ABCC8: variants seen among roughly 807,000 people sequenced by gnomAD.
The protein encoded by ABCC8 is ATP-binding cassette sub-family C member 8.
A neutral mutation model predicts 188.0 loss-of-function variants in ABCC8; 137 were observed. The observed-to-expected ratio is 0.73, with a 90% CI of 0.63 to 0.84. ABCC8 has a LOEUF of 0.84. Among genes scored for constraint, ABCC8 ranks in the 40% least tolerant of loss-of-function variants. The probability of loss-of-function intolerance (pLI) is 0.00; values close to 1 mark genes in which losing one functional copy is unlikely to be tolerated. For synonymous variants in ABCC8, 797 were observed against 846.5 expected, an observed-to-expected ratio of 0.94 and a Z score of 1.01; for missense variants, 1,750 against 2,072.7, an observed-to-expected ratio of 0.84 and a Z score of 3.02.
chr11:17,476,789 G>T lies in ABCC8; in HGVS notation c.-13C>A. On this transcript the variant is annotated 5_prime_UTR_variant, in exon 1 of 39. Coordinates refer to ENST00000389817, the MANE Select transcript of ABCC8 (RefSeq NM_000352.6). ...AGGCCAGGGGCATGGCGGCGCGGGC[G>T]CGGGCTGGGCTCGGGCTCAGCTGGC... The T allele has an allele frequency of 6.5e-7, 1 of 1,541,254 alleles. No individual in the cohort carries two copies. The highest frequency in any genetic ancestry group is 1.2e-5 in the South Asian group (1 of 83,148).
downstream of ABCC8, chr11:17,392,574 A>G (rs1591700854): frequency 2.9e-6 from 1 of 342,520 alleles, no homozygotes; most frequent in East Asian, 7.6e-5. Context: ...CACAGAGTAA[A>G]GGTCATGTGA....
chr11:17,452,580 A>C (rs1956854497), intron 7 of ABCC8, among the ~76,000 whole-genome samples: 1 of 152,324 alleles, frequency 6.6e-6, no homozygotes, highest in African/African-American at 2.4e-5. Flanking sequence ...CAGGAGGCAG[A>C]GCTCAGGTAG....
At chr11:17,395,318 C>T (rs986564120) in intron 35 of ABCC8, 43 bp from the exon 36 acceptor site, 1 of 1,553,638 alleles carries the variant, frequency 6.4e-7, no homozygotes, top group Non-Finnish European at 8.7e-7. Flanking sequence ...GGAGCAGGGT[C>T]CTGCCTGCAT....
rs538604629 is a variant in ABCC8 at position 17,400,224 on chromosome 11, AC to A, written c.3651-1784del. 2.4e-3 allele frequency among the ~76,000 whole-genome samples: 366 copies of A among 152,284 alleles called. 1 individual carries two copies. The highest frequency in any genetic ancestry group is 8.3e-3 in the African/African-American group (347 of 41,558). On this transcript the variant is annotated intron_variant, in intron 29 of 38. Coordinates refer to ENST00000389817, the MANE Select transcript of ABCC8 (RefSeq NM_000352.6). ...GAGGTGGGAGAGAGCATGCTACTGC[AC>A]ACCCCCAGGGTGGAGACGTGTGGGA... is the stretch of plus-strand genomic sequence containing the variant.
In ABCC8 at chr11:17,415,389, A is replaced by G. The variant is rs4148626; in HGVS notation, c.2256-50T>C. 0.86 allele frequency: 1,369,325 copies of G among 1,593,980 alleles called. 589,070 individuals carry two copies. The highest frequency in any genetic ancestry group is 0.96 in the African/African-American group (72,330 of 74,966). On this transcript the variant is annotated intron_variant, in intron 17 of 38. Coordinates refer to ENST00000389817, the MANE Select transcript of ABCC8 (RefSeq NM_000352.6). ...CTGAGCTCTCATGGGAGTGAACCAT[A>G]TCCTCCAGGAAGATCCTGAGCTCCC... is the stretch of plus-strand genomic sequence containing the variant.
At position 17,427,463 on chromosome 11, in the gene ABCC8, G is replaced by C. The variant is rs1023553888; in HGVS notation, c.2117-309C>G. ...TTGTGGTCCCAAGAAACACCATCCT[G>C]GGTCCCACCTCCAACCCACCTCCAT... On this transcript the variant is annotated intron_variant, in intron 15 of 38. Transcript: ENST00000389817. The surrounding 1 kb of genome is among the most constrained non-coding windows in gnomAD (Gnocchi z 5.0). Among the ~76,000 whole-genome samples the C allele has an allele frequency of 4.6e-5, 7 of 152,040 alleles. No homozygotes were observed. Among genetic ancestry groups the C allele is most frequent in the Non-Finnish European group, 8.8e-5 (6 of 68,018 alleles).
chr11:17,453,362 G>T, intron 6 of ABCC8, 79 bp from the exon 7 acceptor site: 1 of 1,577,156 alleles, frequency 6.3e-7, no homozygotes, highest in South Asian at 1.1e-5. Context: ...GTGCCATAAT[G>T]GACCACGGCC....
At chr11:17,396,193 G>A (rs920075847) in intron 33 of ABCC8, 7 of 740,534 alleles carry the variant, frequency 9.5e-6, no homozygotes, top group South Asian at 7.4e-5. Context: ...TGGGTGTGCC[G>A]GGTACTTGGC....
Position 17,423,014 on chromosome 11 carries a change from T to C in ABCC8, c.2222+4035A>G, listed in dbSNP as rs567196485. ...CTCCTCTCCTTGACTGCAGAGTCAA[T>C]TGTGGTTCCTCTGAGCTCTTCTAAG... On this transcript the variant is annotated intron_variant, in intron 16 of 38. Transcript: ENST00000389817. Among the ~76,000 whole-genome samples, 15 of 152,054 alleles carry C rather than the reference T, an allele frequency of 9.9e-5. No individual in the cohort carries two copies. In the South Asian group the frequency reaches 2.3e-3, roughly 23 times the overall value.
At chr11:17,435,300 G>T (rs1440898239) in intron 10 of ABCC8, among the ~76,000 whole-genome samples, 1 of 152,080 alleles carries the variant, frequency 6.6e-6, no homozygotes, top group Non-Finnish European at 1.5e-5. Flanking sequence ...CTCACCCCCA[G>T]CCCCCAGGGC....
chr11:17,466,274 C>T (rs1030506973), intron 3 of ABCC8, among the ~76,000 whole-genome samples: 3 of 151,828 alleles, frequency 2.0e-5, no homozygotes, highest in Admixed American at 6.6e-5. Context: ...TGGCAGGTAC[C>T]TATAGTCCCA....
At position 17,408,488 on chromosome 11, in the gene ABCC8, C is replaced by T; in HGVS notation, c.2724G>A (p.Gln908=). The T allele has an allele frequency of 6.2e-7, 1 of 1,613,418 alleles. No individual in the cohort carries two copies. Among genetic ancestry groups the T allele is most frequent in the Non-Finnish European group, 8.5e-7 (1 of 1,179,984 alleles). Reference sequence around the variant, plus strand: ...GGAAGTCCTTGAGGGTACCCTCCCTCTGGATGGTGCCATCCTTCATGGCAA... The same window carrying T: ...GGAAGTCCTTGAGGGTACCCTCCCTTTGGATGGTGCCATCCTTCATGGCAA... The part of the protein sequence containing the change: ...WIIAMKDGTI[Q]REGTLKDFQR... The change falls in exon 23 of 39, where the codon CAG becomes CAA. Residue 908 remains glutamine, a synonymous_variant. Coordinates refer to ENST00000389817, the MANE Select transcript of ABCC8 (RefSeq NM_000352.6).
chr11:17,430,719 G>C (rs560501292), intron 12 of ABCC8, 95 bp downstream of exon 12: 2 of 1,416,648 alleles, frequency 1.4e-6, no homozygotes, highest in African/African-American at 2.8e-5. Context: ...TGTGTTCCGG[G>C]ACCAAACAGC....
chr11:17,448,558 C>T lies in ABCC8; in HGVS notation c.1290G>A (p.Trp430Ter), dbSNP rs767500007. 3 of 1,614,154 alleles carry T rather than the reference C, an allele frequency of 1.9e-6. No homozygotes were observed. Among genetic ancestry groups the T allele is most frequent in the Non-Finnish European group, 2.5e-6 (3 of 1,180,010 alleles). The change falls in exon 8 of 39, where the codon TGG becomes TGA. Residue 430 changes from tryptophan to a stop codon, truncating the protein, a stop_gained. Transcript: ENST00000389817. LOFTEE classifies it high-confidence loss of function. ...AGAGGTTTGGGCACAAGAAGAAAAA[C>T]CACATGAGCTGATTGGTGTCGATGG... ...LVAIDTNQLM[W>*]FFFLCPNLWA...
At position 17,397,809 on chromosome 11, in the gene ABCC8, G is replaced by A. The variant is rs546086223; in HGVS notation, c.3754-12C>T. ...GCACCGATGTACTCCTGGGGAGGGA[G>A]AGGAGCTGACCTGGGCGCTCAGGGG... On this transcript the variant is annotated splice_polypyrimidine_tract_variant and intron_variant, in intron 30 of 38. Coordinates refer to ENST00000389817, the MANE Select transcript of ABCC8 (RefSeq NM_000352.6). 3.7e-6 allele frequency: 6 copies of A among 1,613,438 alleles called. No individual in the cohort carries two copies. The African/African-American group carries it at 4.0e-5, about 11-fold the overall frequency.
chr11:17,446,937 C>G (rs1210140081), intron 8 of ABCC8, among the ~76,000 whole-genome samples: 2 of 152,218 alleles, frequency 1.3e-5, no homozygotes, highest in African/African-American at 4.8e-5. Context: ...TAACACCTCA[C>G]TCATACCAAA....
rs760963644 is a variant in ABCC8, at chr11:17,428,381, G to A, written c.1948C>T (p.Arg650Cys). The change falls in exon 14 of 39, where the codon CGT becomes TGT. Residue 650 changes from arginine to cysteine, a missense_variant. Transcript: ENST00000389817. ...CCCCGACAATCCTCCCGGGCTGGAC[G>A]CTTGCGGTTCACAACCCTGAGGGGC... ...AVPLRVVNRK[R>C]PAREDCRGLT... 7 of 1,614,006 alleles carry A rather than the reference G, an allele frequency of 4.3e-6. No homozygotes were observed. The highest frequency in any genetic ancestry group is 1.7e-4 in the Middle Eastern group (1 of 6,060).
In ABCC8 at chr11:17,404,115, G is replaced by A. The variant is rs1460388118; in HGVS notation, c.3557+397C>T. On this transcript the variant is annotated intron_variant, in intron 28 of 38. Transcript: ENST00000389817. The surrounding 1 kb of genome is among the most constrained non-coding windows in gnomAD (Gnocchi z 4.7). ...CACTCTGGACTCACGTGGGCTGGGA[G>A]GTGTTATCATAACACTGCTTGAATC... Among the ~76,000 whole-genome samples, 4 of 152,156 alleles carry A rather than the reference G, an allele frequency of 2.6e-5. No homozygotes were observed. Among genetic ancestry groups the A allele is most frequent in the African/African-American group, 4.8e-5 (2 of 41,434 alleles).
intron 10 of ABCC8, among the ~76,000 whole-genome samples, chr11:17,440,217 C>T (rs1322574410): frequency 2.0e-5 from 3 of 152,148 alleles, no homozygotes; most frequent in Non-Finnish European, 2.9e-5. Context: ...TGCTCTACCC[C>T]ACCCTGTTGT....
Sources: allele counts gnomAD v4.1 joint callset (sites outside exome capture counted in the v4.1 genomes callset), GRCh38; gene constraint gnomAD v4.1.1; non-coding constraint Gnocchi (gnomAD v3.1); transcripts MANE v1.5; gene names NCBI Gene and HGNC (gene_info 2026-07-23, HGNC 2026-07-21).